Variants in DIO1 observed in about 807,000 individuals in gnomAD.
DIO1 encodes iodothyronine deiodinase 1, also known as type I iodothyronine deiodinase.
A neutral mutation model predicts 25.9 loss-of-function variants in DIO1; 17 were observed. That is an observed-to-expected ratio of 0.66 (90% confidence interval 0.45 to 0.98). The LOEUF is 0.98. Ranked by LOEUF, DIO1 falls within the 50% of genes least tolerant of loss-of-function variation. The pLI is 0.00. For synonymous variants in DIO1, 115 were observed against 114.0 expected (o/e 1.01, Z -0.05); for missense variants, 270 against 310.4 (o/e 0.87, Z 0.98).
Position 53,910,007 on chromosome 1 carries a change from A to G in DIO1, c.*8A>G. The G allele has an allele frequency of 6.2e-7, 1 of 1,613,556 alleles. No homozygotes were observed. The highest frequency in any genetic ancestry group is 8.5e-7 in the Non-Finnish European group (1 of 1,179,418). ...GAAAAGCTCCACAGTTAATCTGGAC[A>G]GATACCTCAATTCTAGGTGACCAAC... On this transcript the variant is annotated 3_prime_UTR_variant, in exon 4 of 4. Coordinates refer to ENST00000361921, the MANE Select transcript of DIO1 (RefSeq NM_000792.7).
In DIO1 at chr1:53,911,045, T is replaced by A. The variant is rs1003896247; in HGVS notation, c.*1046T>A. 6.5e-6 allele frequency: 1 copy of A among 152,690 alleles called. No individual in the cohort carries two copies. The highest frequency in any genetic ancestry group is 2.4e-5 in the African/African-American group (1 of 41,466). The allele number at this position is 152,690 out of a possible 1,614,324, so 9.5% of individuals were successfully genotyped here. On this transcript the variant is annotated 3_prime_UTR_variant, in exon 4 of 4. Coordinates refer to ENST00000361921, the MANE Select transcript of DIO1 (RefSeq NM_000792.7). ...TGATTCAAAAGAAAATGTTATAAGA[T>A]GCAGTAAACTAATAACAGAATTATT...
rs775442411 is a variant in DIO1 at position 53,894,330 on chromosome 1, C to T, written c.120C>T (p.Asn40=). Reference sequence around the variant, plus strand: ...TGTTTCCAGACAGAGTCAAGCGGAACATCCTGGCCATGGGCGAGAAGACGG... The same window carrying T: ...TGTTTCCAGACAGAGTCAAGCGGAATATCCTGGCCATGGGCGAGAAGACGG... ...LILFPDRVKR[N]ILAMGEKTGM... Residue 40 remains asparagine (N), a synonymous_variant, in exon 1 of 4, where the codon AAC becomes AAT. Transcript: ENST00000361921. This position sits in a 1 kb window ranked among gnomAD's most constrained non-coding sequence, Gnocchi z 4.9. The T allele has an allele frequency of 6.2e-7, 1 of 1,614,232 alleles. No homozygotes were observed. The highest frequency in any genetic ancestry group is 1.7e-5 in the Admixed American group (1 of 60,030).
Position 53,894,406 on chromosome 1 carries a change from T to A in DIO1, c.196T>A (p.Phe66Ile), listed in dbSNP as rs768548759. 6.2e-7 allele frequency: 1 copy of A among 1,614,236 alleles called. No individual in the cohort carries two copies. Residue 66 changes from phenylalanine (F) to isoleucine (I), a missense_variant, in exon 1 of 4, where the codon TTC (phenylalanine) becomes ATC (isoleucine). By Grantham distance (21) the Phe-to-Ile change is conservative (BLOSUM62 0). Transcript: ENST00000361921. The surrounding 1 kb of genome is among the most constrained non-coding windows in gnomAD (Gnocchi z 4.9). ...FSHDNWIPTF[F>I]STQYFWFVLK... is the part of the protein sequence containing the mutation. ...CCACGACAACTGGATACCAACCTTT[T>A]TCAGCACCCAGTATTTCTGGTTCGT...
At chr1:53,905,309 T>A (rs55710293) in intron 2 of DIO1, among the ~76,000 whole-genome samples, 27,062 of 151,648 alleles carry the variant, frequency 0.18, 3,890 homozygotes, top group African/African-American at 0.4. Context: ...CAAGTAGCTG[T>A]ACTGCAGGCA....
At chr1:53,901,167 A>C (rs1180893391) in intron 1 of DIO1, among the ~76,000 whole-genome samples, 1 of 151,352 alleles carries the variant, frequency 6.6e-6, no homozygotes, top group African/African-American at 2.4e-5. Flanking sequence ...GTGCCCCCTA[A>C]CTGCTTATCC....
At chr1:53,899,351 C>G (rs1201756558) in intron 1 of DIO1, among the ~76,000 whole-genome samples, 1 of 152,192 alleles carries the variant, frequency 6.6e-6, no homozygotes, top group Non-Finnish European at 1.5e-5. Context: ...GCTGTTTTCC[C>G]ATTTATACAA....
chr1:53,903,639 A>T (rs1051183109), intron 1 of DIO1, among the ~76,000 whole-genome samples: 1 of 151,856 alleles, frequency 6.6e-6, no homozygotes, highest in African/African-American at 2.4e-5. Context: ...ACTTGAGGTC[A>T]GGAGTCTGAG....
chr1:53,906,955 G>A (rs1054320517), intron 3 of DIO1, among the ~76,000 whole-genome samples: 3 of 152,194 alleles, frequency 2.0e-5, no homozygotes, highest in Non-Finnish European at 4.4e-5. Flanking sequence ...TGCCCGGTCT[G>A]TTTTTGTTTT....
At chr1:53,900,643 A>G (rs921554932) in intron 1 of DIO1, among the ~76,000 whole-genome samples, 1 of 152,126 alleles carries the variant, frequency 6.6e-6, no homozygotes, top group Non-Finnish European at 1.5e-5. Context: ...ATGTGTTAGT[A>G]TAGGTGTAAG....
chr1:53,909,811 C>A, intron 3 of DIO1, 120 bp from the exon 4 acceptor site: 3 of 895,492 alleles, frequency 3.4e-6, no homozygotes, highest in Non-Finnish European at 5.5e-6. Flanking sequence ...ATTAGCCATG[C>A]TGATGGCTCC....
At chr1:53,895,791 G>A (rs932396257) in intron 1 of DIO1, among the ~76,000 whole-genome samples, 3 of 152,128 alleles carry the variant, frequency 2.0e-5, no homozygotes, top group African/African-American at 7.2e-5. Context: ...CAAACTGTTG[G>A]GCCTTGTACA....
intron 3 of DIO1, among the ~76,000 whole-genome samples, chr1:53,909,470 G>A (rs1651830538): frequency 6.6e-6 from 1 of 152,106 alleles, no homozygotes; most frequent in Non-Finnish European, 1.5e-5. Context: ...ACAGGAGGGA[G>A]CAGGGACTAA....
rs995088845 is a variant in DIO1 at position 53,904,549 on chromosome 1, T to TG, written c.338-113dup. 164 of 1,323,548 alleles carry TG rather than the reference T, an allele frequency of 1.2e-4. 1 individual carries two copies. The African/African-American group carries it at 2.3e-3, about 19-fold the overall frequency. The allele number at this position is 1,323,548 out of a possible 1,614,324, so 82.0% of individuals were successfully genotyped here. On this transcript the variant is annotated intron_variant, in intron 1 of 3. Coordinates refer to ENST00000361921, the MANE Select transcript of DIO1 (RefSeq NM_000792.7). ...GGACCCCAGTGCCTAGGACCCATCC[T>TG]GGGGTGGGGGGTAGGGGGAAATAAA...
intron 1 of DIO1, among the ~76,000 whole-genome samples, chr1:53,902,676 C>A (rs895277450): frequency 1.3e-5 from 2 of 151,718 alleles, no homozygotes; most frequent in Non-Finnish European, 2.9e-5. Flanking sequence ...CCACAGGAGG[C>A]CAGCTGCTCC....
intron 1 of DIO1, among the ~76,000 whole-genome samples, chr1:53,901,256 T>C (rs1651344858): frequency 1.3e-5 from 2 of 152,146 alleles, no homozygotes; most frequent in African/African-American, 4.8e-5. Context: ...GGTTATTACA[T>C]GGCCCTACTG....
chr1:53,903,245 G>A (rs1159648326), intron 1 of DIO1: 1 of 151,956 alleles, frequency 6.6e-6, no homozygotes, highest in South Asian at 2.1e-4. Context: ...GAAGCCTCTT[G>A]CCCACCCTTT....
intron 3 of DIO1, among the ~76,000 whole-genome samples, chr1:53,909,598 G>A (rs1651846707): frequency 6.6e-6 from 1 of 152,196 alleles, no homozygotes. Flanking sequence ...GGTAGAACTT[G>A]ATGTGAAGGC....
At chr1:53,903,840 C>CA (rs1651505022) in intron 1 of DIO1, among the ~76,000 whole-genome samples, 1 of 151,358 alleles carries the variant, frequency 6.6e-6, no homozygotes, top group East Asian at 1.9e-4. Context: ...GACTCCATCT[C>CA]AAAAAAATAA....
chr1:53,895,326 G>A (rs1243622830), intron 1 of DIO1, among the ~76,000 whole-genome samples: 1 of 152,166 alleles, frequency 6.6e-6, no homozygotes, highest in Admixed American at 6.5e-5. Context: ...GGGAGGCTGA[G>A]GCAGAAGAAT....
Sources: allele counts gnomAD v4.1 joint callset (sites outside exome capture counted in the v4.1 genomes callset), GRCh38; gene constraint gnomAD v4.1.1; non-coding constraint Gnocchi (gnomAD v3.1); transcripts MANE v1.5; gene names NCBI Gene and HGNC (gene_info 2026-07-23, HGNC 2026-07-21).